MINDY2: variants seen among roughly 807,000 people sequenced by gnomAD.
MINDY2 encodes ubiquitin carboxyl-terminal hydrolase MINDY-2.
A neutral mutation model predicts 68.2 loss-of-function variants in MINDY2; 52 were observed. The observed-to-expected ratio is 0.76, with a 90% CI of 0.61 to 0.96. The LOEUF (loss-of-function observed/expected upper bound fraction) is 0.96, where lower values mean the gene tolerates loss of function less well. Among genes scored for constraint, MINDY2 ranks in the 40% least tolerant of loss-of-function variants. The pLI is 0.00. For synonymous variants in MINDY2, 372 were observed against 303.0 expected (o/e 1.23, Z -2.36); for missense variants, 881 against 773.4 (o/e 1.14, Z -1.65).
At chr15:58,804,128 G>T (rs1259930026) in intron 3 of MINDY2, among the ~76,000 whole-genome samples, 1 of 151,722 alleles carries the variant, frequency 6.6e-6, no homozygotes, top group Non-Finnish European at 1.5e-5. Context: ...AAAGGAGGAG[G>T]AGGAGAAGGA....
At chr15:58,832,525 G>T (rs1362038085) in intron 6 of MINDY2, among the ~76,000 whole-genome samples, 1 of 143,366 alleles carries the variant, frequency 7.0e-6, no homozygotes, top group African/African-American at 2.6e-5. Flanking sequence ...ACCATGCCCA[G>T]ACTTTTTTTT....
At chr15:58,816,347 G>A (rs1054897387) in intron 4 of MINDY2, among the ~76,000 whole-genome samples, 1 of 152,208 alleles carries the variant, frequency 6.6e-6, no homozygotes, top group Non-Finnish European at 1.5e-5. Context: ...TTTAGATTGT[G>A]AAGAATGACA....
intron 3 of MINDY2, among the ~76,000 whole-genome samples, chr15:58,808,773 T>C (rs1226965193): frequency 1.3e-5 from 2 of 152,062 alleles, no homozygotes; most frequent in Non-Finnish European, 2.9e-5. Flanking sequence ...CCCGACTAAT[T>C]TTTTGTATTT....
chr15:58,790,554 A>C (rs1901816122), intron 2 of MINDY2, among the ~76,000 whole-genome samples: 1 of 151,070 alleles, frequency 6.6e-6, no homozygotes, highest in South Asian at 2.1e-4. Context: ...TTTAATAAGA[A>C]TTCTCTAGCA....
chr15:58,854,787 ACT>A lies in MINDY2; in HGVS notation c.*180_*181del. On this transcript the variant is annotated 3_prime_UTR_variant, in exon 9 of 9. Coordinates refer to ENST00000559228, the MANE Select transcript of MINDY2 (RefSeq NM_001040450.3). ...CAGACTTTTTCAAGTCACACAATAC[ACT>A]CTTTATGAGCTGGAGTTTCATGTTA... 1 of 522,816 alleles carries A rather than the reference ACT, an allele frequency of 1.9e-6. No homozygotes were observed. Among genetic ancestry groups the A allele is most frequent in the Non-Finnish European group, 3.2e-6 (1 of 316,392 alleles). The allele number at this position is 522,816 out of a possible 1,614,324, so 32.4% of individuals were successfully genotyped here.
At chr15:58,844,228 T>G (rs1314842095) in intron 6 of MINDY2, among the ~76,000 whole-genome samples, 1 of 152,160 alleles carries the variant, frequency 6.6e-6, no homozygotes, top group Admixed American at 6.5e-5. Flanking sequence ...TATGCTATAC[T>G]TACATAAAGG....
At chr15:58,834,498 C>A (rs1382259548) in intron 6 of MINDY2, among the ~76,000 whole-genome samples, 1 of 152,176 alleles carries the variant, frequency 6.6e-6, no homozygotes, top group Non-Finnish European at 1.5e-5. Context: ...TCCTCAGAAC[C>A]TACCACCAAC....
In MINDY2 at chr15:58,771,497, G is replaced by A; in HGVS notation, c.102G>A (p.Arg34=). 6.2e-7 allele frequency: 1 copy of A among 1,612,348 alleles called. No homozygotes were observed. The highest frequency in any genetic ancestry group is 8.5e-7 in the Non-Finnish European group (1 of 1,179,776). Residue 34 remains arginine, a synonymous_variant, in exon 1 of 9, where the codon AGG becomes AGA. Transcript: ENST00000559228. The part of the protein sequence containing the change: ...GSSQEGLQET[R]LAAGDGPGVW... ...CGCAGGAAGGGCTACAGGAGACCAG[G>A]CTCGCCGCTGGTGATGGTCCTGGGG...
intron 5 of MINDY2, among the ~76,000 whole-genome samples, chr15:58,831,041 G>GTGTATATATATATATA (rs565786025): frequency 1.3e-4 from 16 of 124,916 alleles, no homozygotes; most frequent in Non-Finnish European, 2.2e-4. Flanking sequence ...GTGTGTGTGT[G>GTGTATATATATATATA]TATATATATA....
At chr15:58,844,466 G>C (rs986994560) in intron 6 of MINDY2, among the ~76,000 whole-genome samples, 7 of 150,582 alleles carry the variant, frequency 4.6e-5, no homozygotes, top group Non-Finnish European at 1.0e-4. Context: ...GCGGGAGAAT[G>C]GGGTGAACCC....
In MINDY2 at chr15:58,854,673, G is replaced by A; in HGVS notation, c.*63G>A. ...GAGAAACAAAACCACAGGAGGAAAG[G>A]AAGAAAAACCGATCAATACCGTCTG... On this transcript the variant is annotated 3_prime_UTR_variant, in exon 9 of 9. Transcript: ENST00000559228. The A allele has an allele frequency of 1.3e-6, 2 of 1,536,248 alleles. No individual in the cohort carries two copies. The highest frequency in any genetic ancestry group is 1.7e-6 in the Non-Finnish European group (2 of 1,149,388).
intron 8 of MINDY2, among the ~76,000 whole-genome samples, chr15:58,852,359 G>A (rs1030231015): frequency 2.8e-5 from 4 of 144,574 alleles, no homozygotes; most frequent in African/African-American, 1.0e-4. Flanking sequence ...TAAATTAGGT[G>A]TTAACTCTTC....
chr15:58,846,315 C>G (rs1262354282), intron 6 of MINDY2, among the ~76,000 whole-genome samples: 1 of 152,008 alleles, frequency 6.6e-6, no homozygotes, highest in Non-Finnish European at 1.5e-5. Flanking sequence ...CCATGTAGGC[C>G]AGGCGCGGTG....
intron 4 of MINDY2, among the ~76,000 whole-genome samples, chr15:58,820,539 C>T (rs2030993450): frequency 6.6e-6 from 1 of 152,032 alleles, no homozygotes. Flanking sequence ...GTTTACTCAA[C>T]CAATCATCAG....
chr15:58,772,078 A>T lies in MINDY2; in HGVS notation c.683A>T (p.Gln228Leu), dbSNP rs1306947083. The change falls in exon 1 of 9, where the codon CAG (glutamine) becomes CTG (leucine). Residue 228 changes from glutamine to leucine, a missense_variant. Transcript: ENST00000559228. ...GAGGAGGAGGGGGAGGAGACCGCTCAGGTGCTGGCGGCCTCCAAGGAACGC... is the reference window on the plus strand; with the variant it reads ...GAGGAGGAGGGGGAGGAGACCGCTCTGGTGCTGGCGGCCTCCAAGGAACGC... ...CKEEEGEETA[Q>L]VLAASKERFP... 1 of 1,612,920 alleles carries T rather than the reference A, an allele frequency of 6.2e-7. No individual in the cohort carries two copies. The highest frequency in any genetic ancestry group is 2.2e-5 in the East Asian group (1 of 44,898).
At chr15:58,833,230 A>T (rs2031828218) in intron 6 of MINDY2, among the ~76,000 whole-genome samples, 2 of 152,204 alleles carry the variant, frequency 1.3e-5, no homozygotes, top group Non-Finnish European at 2.9e-5. Context: ...AATACAAGAT[A>T]TGTTCTATTT....
In MINDY2 at chr15:58,857,145, A is replaced by G. The variant is rs1408505037; in HGVS notation, c.*2535A>G. The G allele has an allele frequency of 6.6e-6, 1 of 152,250 alleles. No individual in the cohort carries two copies. Among genetic ancestry groups the G allele is most frequent in the African/African-American group, 2.4e-5 (1 of 41,468 alleles). 9.4% of individuals were successfully genotyped at this position (152,250 alleles called of 1,614,324 possible). Reference sequence around the variant, plus strand: ...AATTTACTTTGATATACCAAGAATAATAATGATAAAATGTTTGCTTTGATT... The same window carrying G: ...AATTTACTTTGATATACCAAGAATAGTAATGATAAAATGTTTGCTTTGATT... On this transcript the variant is annotated 3_prime_UTR_variant, in exon 9 of 9. Transcript: ENST00000559228.
intron 4 of MINDY2, among the ~76,000 whole-genome samples, chr15:58,812,911 G>C (rs1316171524): frequency 6.6e-6 from 1 of 152,100 alleles, no homozygotes; most frequent in African/African-American, 2.4e-5. Flanking sequence ...GCACATTTCT[G>C]TTAACACAAG....
At position 58,860,510 on chromosome 15, in the gene MINDY2, G is replaced by A. The variant is rs985848510; in HGVS notation, c.*5900G>A. The A allele has an allele frequency of 1.3e-5, 2 of 150,646 alleles. No homozygotes were observed. Among genetic ancestry groups the A allele is most frequent in the African/African-American group, 4.9e-5 (2 of 40,730 alleles). The allele number at this position is 150,646 out of a possible 1,614,324, so 9.3% of individuals were successfully genotyped here. A position where few individuals can be genotyped will look rare whatever the true frequency, so the allele number is the denominator to read the frequency against. Reference sequence around the variant, plus strand: ...AATCGCTTGAACCCGGAAGGCAGAGGTTGCAGTGAGCCAAGATTGCCCCAC... The same window carrying A: ...AATCGCTTGAACCCGGAAGGCAGAGATTGCAGTGAGCCAAGATTGCCCCAC... On this transcript the variant is annotated 3_prime_UTR_variant, in exon 9 of 9. Transcript: ENST00000559228.
Sources: gnomAD v4.1 joint callset for allele counts (sites outside exome capture counted in the v4.1 genomes callset) on GRCh38, gnomAD v4.1.1 for gene constraint, MANE v1.5 for transcripts, NCBI Gene and HGNC (gene_info 2026-07-23, HGNC 2026-07-21) for gene names.